BEST2: variants seen among roughly 807,000 people sequenced by gnomAD.
BEST2 encodes bestrophin 2.
Under a neutral mutation model 49.0 loss-of-function variants are expected in BEST2, and 36 were observed. The observed-to-expected ratio is 0.73, with a 90% CI of 0.56 to 0.97. The LOEUF (loss-of-function observed/expected upper bound fraction) is 0.97, where lower values mean the gene tolerates loss of function less well. Ranked by LOEUF, BEST2 falls within the 50% of genes least tolerant of loss-of-function variation. The pLI, the probability that BEST2 is intolerant of heterozygous loss-of-function variation, is 0.00. For synonymous variants in BEST2, 335 were observed against 304.4 expected, an observed-to-expected ratio of 1.10 and a Z score of -1.05; for missense variants, 672 against 710.0, an observed-to-expected ratio of 0.95 and a Z score of 0.61.
chr19:12,756,360 T>C, intron 9 of BEST2, 65 bp downstream of exon 9: 1 of 1,573,844 alleles, frequency 6.4e-7, no homozygotes, highest in Non-Finnish European at 8.6e-7. Flanking sequence ...GCACATCTGA[T>C]TGAAAAGGTT....
rs767485983 is a variant in BEST2 at position 12,754,772 on chromosome 19, C to T, written c.468C>T (p.His156=). ...AVFKRFPTID[H]VVEAGFMTRE... ...TCAAGCGCTTCCCCACCATAGACCA[C>T]GTGGTGGAGGCTGGTGAGTACTCGG... The change falls in exon 4 of 10, where the codon CAC becomes CAT. Residue 156 remains histidine (H), a synonymous_variant. Coordinates refer to ENST00000553030, the MANE Select transcript of BEST2 (RefSeq NM_017682.3). The T allele has an allele frequency of 2.5e-5, 39 of 1,584,242 alleles. No individual in the cohort carries two copies. The Middle Eastern group carries it at 5.0e-4, about 20-fold the overall frequency.
rs140746522 is a variant in BEST2, at chr19:12,754,890, C to G, written c.495C>G (p.Arg165=). ...DHVVEAGFMT[R]EERKKFENLN... ...CCTTTCCTCCAGGGTTTATGACCCGCGAGGAGCGCAAGAAGTTTGAAAACC... is the reference window on the plus strand; with the variant it reads ...CCTTTCCTCCAGGGTTTATGACCCGGGAGGAGCGCAAGAAGTTTGAAAACC... The change falls in exon 5 of 10, where the codon CGC becomes CGG. Residue 165 remains arginine (R), a synonymous_variant. Transcript: ENST00000553030. 1.9e-6 allele frequency: 3 copies of G among 1,612,556 alleles called. No individual in the cohort carries two copies. Among genetic ancestry groups the G allele is most frequent in the African/African-American group, 2.7e-5 (2 of 74,908 alleles).
Position 12,753,266 on chromosome 19 carries a change from G to A in BEST2, c.159G>A (p.Val53=). Residue 53 remains valine (V), a synonymous_variant, in exon 3 of 10, where the codon GTG becomes GTA. Coordinates refer to ENST00000553030, the MANE Select transcript of BEST2 (RefSeq NM_017682.3). ...YMALSAAYRF[V]LTEGQKRYFE... is the part of the protein sequence containing the mutation. ...CCTCATCTCTATCCCGCAGCTTTGT[G>A]CTGACCGAAGGGCAGAAGCGCTACT... 5 of 1,614,208 alleles carry A rather than the reference G, an allele frequency of 3.1e-6. No homozygotes were observed. The highest frequency in any genetic ancestry group is 4.2e-6 in the Non-Finnish European group (5 of 1,180,018).
At chr19:12,756,527 C>T (rs868391928) in intron 9 of BEST2, 13 of 581,180 alleles carry the variant, frequency 2.2e-5, no homozygotes, top group African/African-American at 1.7e-4. Context: ...AGGATCAGAC[C>T]GGTCAGTGGT....
intron 1 of BEST2, among the ~76,000 whole-genome samples, chr19:12,752,138 G>C (rs957233778): frequency 2.6e-5 from 4 of 152,076 alleles, no homozygotes; most frequent in African/African-American, 9.7e-5. Flanking sequence ...CTGGGGAAGT[G>C]GAGAAGGGGG....
intron 3 of BEST2, among the ~76,000 whole-genome samples, chr19:12,754,041 T>C (rs1270759071): frequency 7.0e-6 from 1 of 143,224 alleles, no homozygotes; most frequent in African/African-American, 2.6e-5. Context: ...AAGTAGCCAG[T>C]GACCCAAAGG....
At chr19:12,752,337 T>C (rs1967877884) in intron 1 of BEST2, among the ~76,000 whole-genome samples, 1 of 150,910 alleles carries the variant, frequency 6.6e-6, no homozygotes, top group African/African-American at 2.4e-5. Flanking sequence ...GGACGGCAGT[T>C]ACCAGAGCCC....
rs991774275 is a variant in BEST2 at position 12,753,165 on chromosome 19, T to C, written c.153-95T>C. On this transcript the variant is annotated intron_variant, in intron 2 of 9. Transcript: ENST00000553030. ...AGCACCCGGCTGGGGGCAGCTATTA[T>C]AAAAGAAGCCAGGGTGAGGGGCACA... 11 of 1,344,860 alleles carry C rather than the reference T, an allele frequency of 8.2e-6. No individual in the cohort carries two copies. The African/African-American group carries it at 1.0e-4, about 12-fold the overall frequency. The allele number at this position is 1,344,860 out of a possible 1,614,324, so 83.3% of individuals were successfully genotyped here.
chr19:12,754,249 T>C (rs1429739808), intron 3 of BEST2, among the ~76,000 whole-genome samples: 1 of 151,876 alleles, frequency 6.6e-6, no homozygotes. Context: ...AATTTTTGTA[T>C]TTTTAGTAGA....
intron 9 of BEST2, chr19:12,756,506 T>C (rs1967945900): frequency 4.5e-6 from 3 of 667,736 alleles, no homozygotes; most frequent in Non-Finnish European, 7.4e-6. Flanking sequence ...AGCTAAGGGC[T>C]GAGGTCAGCG....
chr19:12,756,449 CAG>C (rs1967945427), intron 9 of BEST2, 154 bp downstream of exon 9: 1 of 1,090,848 alleles, frequency 9.2e-7, no homozygotes, highest in Non-Finnish European at 1.3e-6. Flanking sequence ...AGATAGGAGT[CAG>C]GGGACAAGGT....
Position 12,754,620 on chromosome 19 carries a change from C to A in BEST2, c.316C>A (p.Leu106Ile). Residue 106 changes from leucine (L) to isoleucine (I), a missense_variant, in exon 4 of 10, where the codon CTC becomes ATC. Leu to Ile is a conservative substitution (Grantham distance 5, BLOSUM62 2). This residue lies in a region of BEST2 where 365 missense variants were observed against 390.9 expected (regional missense o/e 0.93). Coordinates refer to ENST00000553030, the MANE Select transcript of BEST2 (RefSeq NM_017682.3). ...QYLCMPLPDA[L>I]MCVVAGTVHG... Reference sequence around the variant, plus strand: ...CCTATGCATGCCGCTGCCCGACGCGCTCATGTGCGTGGTGGCGGGCACCGT... The same window carrying A: ...CCTATGCATGCCGCTGCCCGACGCGATCATGTGCGTGGTGGCGGGCACCGT... 6.4e-7 allele frequency: 1 copy of A among 1,564,040 alleles called. No homozygotes were observed.
chr19:12,756,075 G>A, intron 8 of BEST2, 66 bp from the exon 9 acceptor site: 1 of 1,606,650 alleles, frequency 6.2e-7, no homozygotes, highest in Non-Finnish European at 8.5e-7. Context: ...CCACCCGAAG[G>A]GGTCCACCCT....
rs1967871692 is a variant in BEST2, at chr19:12,751,797, T to C, written c.-94T>C. 1 of 152,418 alleles carries C rather than the reference T, an allele frequency of 6.6e-6. No individual in the cohort carries two copies. The highest frequency in any genetic ancestry group is 2.1e-4 in the South Asian group (1 of 4,832). The allele number at this position is 152,418 out of a possible 1,614,324, so 9.4% of individuals were successfully genotyped here. A position where few individuals can be genotyped will look rare whatever the true frequency, so the allele number is the denominator to read the frequency against. On this transcript the variant is annotated 5_prime_UTR_variant, in exon 1 of 10. Coordinates refer to ENST00000553030, the MANE Select transcript of BEST2 (RefSeq NM_017682.3). ...ACGCCAAAGCCACCCGCCCATTCCA[T>C]CCCTGTCCCTGTGGGTCCTTGCACC...
intron 4 of BEST2, 22 bp from the exon 5 acceptor site, chr19:12,754,855 A>G (rs2145704580): frequency 1.9e-6 from 3 of 1,605,946 alleles, no homozygotes; most frequent in Non-Finnish European, 2.6e-6. Flanking sequence ...GGGGCGAGCT[A>G]TCCCTGACCC....
Position 12,755,333 on chromosome 19 carries a change from G to A in BEST2, c.637-46G>A. 2 of 1,584,992 alleles carry A rather than the reference G, an allele frequency of 1.3e-6. No homozygotes were observed. The highest frequency in any genetic ancestry group is 1.7e-6 in the Non-Finnish European group (2 of 1,153,646). ...ACGTACCTACACTTAATATCCCTGT[G>A]TGAGCTCACCATTCAGGCCTCCTCA... On this transcript the variant is annotated intron_variant, in intron 5 of 9. Transcript: ENST00000553030. The surrounding 1 kb of genome is among the most constrained non-coding windows in gnomAD (Gnocchi z 4.4).
intron 2 of BEST2, among the ~76,000 whole-genome samples, 197 bp downstream of exon 2, chr19:12,752,941 C>T (rs1270489265): frequency 1.3e-5 from 2 of 148,758 alleles, no homozygotes; most frequent in African/African-American, 2.5e-5. Context: ...CTCTGCCTCC[C>T]GGGTTCAAGC....
Position 12,755,246 on chromosome 19 carries a change from C to A in BEST2, c.637-133C>A, listed in dbSNP as rs1967926607. 3.7e-6 allele frequency: 4 copies of A among 1,089,010 alleles called. No homozygotes were observed. The highest frequency in any genetic ancestry group is 4.1e-6 in the Non-Finnish European group (3 of 738,048). The allele number at this position is 1,089,010 out of a possible 1,614,324, so 67.5% of individuals were successfully genotyped here. A position where few individuals can be genotyped will look rare whatever the true frequency, so the allele number is the denominator to read the frequency against. On this transcript the variant is annotated intron_variant, in intron 5 of 9. Transcript: ENST00000553030. This position sits in a 1 kb window ranked among gnomAD's most constrained non-coding sequence, Gnocchi z 4.4. ...CAGGTGCACACTCACCACCAAATACCCTCCCTGGAACCCCCAAAGCACACT... is the reference window on the plus strand; with the variant it reads ...CAGGTGCACACTCACCACCAAATACACTCCCTGGAACCCCCAAAGCACACT...
chr19:12,756,708 G>A (rs1401435603), intron 9 of BEST2: 2 of 207,432 alleles, frequency 9.6e-6, no homozygotes, highest in Middle Eastern at 2.0e-3. Context: ...TTAGCCAAGC[G>A]TGGTGGTGCA....
Sources: allele counts gnomAD v4.1 joint callset (sites outside exome capture counted in the v4.1 genomes callset), GRCh38; gene constraint gnomAD v4.1.1; regional missense constraint gnomAD v4.1.1; non-coding constraint Gnocchi (gnomAD v3.1); transcripts MANE v1.5; gene names NCBI Gene and HGNC (gene_info 2026-07-23, HGNC 2026-07-21).